Variants in SORCS1 observed in about 807,000 individuals in gnomAD.
SORCS1 encodes sortilin related VPS10 domain containing receptor 1.
A neutral mutation model predicts 146.1 loss-of-function variants in SORCS1; 60 were observed. That is an observed-to-expected ratio of 0.41 (90% CI 0.33 to 0.51). SORCS1 has a LOEUF of 0.51. Among genes scored for constraint, SORCS1 ranks in the 20% least tolerant of loss-of-function variants. SORCS1 has a pLI of 0.21. For missense variants in SORCS1, 1,352 were observed against 1,487.6 expected (o/e 0.91, Z 1.50); for synonymous variants, 637 against 584.0 (o/e 1.09, Z -1.31).
intron 2 of SORCS1, among the ~76,000 whole-genome samples, chr10:106,830,650 C>T (rs1362604849): frequency 6.7e-6 from 1 of 149,816 alleles, no homozygotes; most frequent in African/African-American, 2.5e-5. Flanking sequence ...AATACCAGCA[C>T]TTTAGGAAAC....
At chr10:106,793,049 A>C (rs1234890943) in intron 3 of SORCS1, among the ~76,000 whole-genome samples, 1 of 152,176 alleles carries the variant, frequency 6.6e-6, no homozygotes, top group African/African-American at 2.4e-5. Context: ...AAGACTTGGG[A>C]TTAAATAATG....
At chr10:106,817,792 A>G (rs1331116333) in intron 3 of SORCS1, among the ~76,000 whole-genome samples, 1 of 152,110 alleles carries the variant, frequency 6.6e-6, no homozygotes, top group Non-Finnish European at 1.5e-5. Flanking sequence ...GCATGTTTGT[A>G]TCTCTACTGC....
chr10:107,054,771 T>C (rs899572815), intron 1 of SORCS1, among the ~76,000 whole-genome samples: 6 of 152,154 alleles, frequency 3.9e-5, no homozygotes, highest in Non-Finnish European at 8.8e-5. Flanking sequence ...GTCTAAGTTG[T>C]TAAATTCAGC....
At chr10:106,735,868 T>C (rs1181002183) in intron 5 of SORCS1, among the ~76,000 whole-genome samples, 1 of 152,208 alleles carries the variant, frequency 6.6e-6, no homozygotes, top group Non-Finnish European at 1.5e-5. Flanking sequence ...GTCCTCGCTA[T>C]TGAGGGAGTA....
Position 106,727,144 on chromosome 10 carries a change from G to A in SORCS1, c.1024+2906C>T, listed in dbSNP as rs143397647. On this transcript the variant is annotated intron_variant, in intron 6 of 25. Transcript: ENST00000263054. ...TGTCAGGCCCCTACTGAATTACAAT[G>A]CAGATCTTAACAAGGTCCCTAGGTG... 1.1e-3 allele frequency among the ~76,000 whole-genome samples: 166 copies of A among 152,058 alleles called. 1 individual carries two copies. Among genetic ancestry groups the A allele is most frequent in the African/African-American group, 3.8e-3 (158 of 41,484 alleles).
chr10:107,093,144 G>A (rs1964320015), intron 1 of SORCS1, among the ~76,000 whole-genome samples: 1 of 152,148 alleles, frequency 6.6e-6, no homozygotes, highest in South Asian at 2.1e-4. Flanking sequence ...CCGCCTGACT[G>A]CAGAGCCATG....
At position 107,090,865 on chromosome 10, in the gene SORCS1, G is replaced by A. The variant is rs1964133290; in HGVS notation, c.558+73104C>T. Among the ~76,000 whole-genome samples the A allele has an allele frequency of 1.3e-5, 2 of 151,960 alleles. 1 individual carries two copies. Among genetic ancestry groups the A allele is most frequent in the South Asian group, 4.2e-4 (2 of 4,818 alleles). Reference sequence around the variant, plus strand: ...GATATAGAAAGAGACGCTGTCAGAAGCAACACTGGATCTAGAATTGATTGT... The same window carrying A: ...GATATAGAAAGAGACGCTGTCAGAAACAACACTGGATCTAGAATTGATTGT... On this transcript the variant is annotated intron_variant, in intron 1 of 25. Transcript: ENST00000263054.
intron 10 of SORCS1, among the ~76,000 whole-genome samples, chr10:106,679,941 T>G (rs1487489993): frequency 6.6e-6 from 1 of 152,138 alleles, no homozygotes; most frequent in Non-Finnish European, 1.5e-5. Context: ...AGCCTTCAAG[T>G]TAGTAAAGAC....
At chr10:106,934,117 A>AG in intron 2 of SORCS1, among the ~76,000 whole-genome samples, 1 of 151,674 alleles carries the variant, frequency 6.6e-6, no homozygotes, top group East Asian at 1.9e-4. Flanking sequence ...AAAAAAAAAA[A>AG]AGAAAGAAAA....
intron 8 of SORCS1, among the ~76,000 whole-genome samples, chr10:106,700,002 G>C (rs1854016079): frequency 6.6e-6 from 1 of 152,160 alleles, no homozygotes; most frequent in South Asian, 2.1e-4. Flanking sequence ...TCTACCCTCA[G>C]CCCTAAGAAA....
At chr10:106,948,426 GC>G (rs1459137962) in intron 2 of SORCS1, among the ~76,000 whole-genome samples, 1 of 151,866 alleles carries the variant, frequency 6.6e-6, no homozygotes, top group African/African-American at 2.4e-5. Context: ...TAATCCCAGT[GC>G]TTTAGGAGGC....
intron 21 of SORCS1, among the ~76,000 whole-genome samples, chr10:106,617,287 C>T (rs918686498): frequency 2.0e-5 from 3 of 151,994 alleles, no homozygotes; most frequent in South Asian, 2.1e-4. Flanking sequence ...CTTCCTTCCT[C>T]CCTCCTTCTG....
rs368301929 is a variant in SORCS1, at chr10:106,731,253, A to G, written c.960-1139T>C. Among the ~76,000 whole-genome samples, 360 of 137,708 alleles carry G rather than the reference A, an allele frequency of 2.6e-3. 5 individuals carry two copies. Among genetic ancestry groups the G allele is most frequent in the African/African-American group, 9.6e-3 (341 of 35,426 alleles). 90.3% of individuals were successfully genotyped at this position (137,708 alleles called of 152,430 possible). A position where few individuals can be genotyped will look rare whatever the true frequency, so the allele number is the denominator to read the frequency against. On this transcript the variant is annotated intron_variant, in intron 5 of 25. Transcript: ENST00000263054. ...GCTTGCAGTGAGCCGAGATCGCACCACTGCACTCCAGCCTGGGTGACGGAG... is the reference window on the plus strand; with the variant it reads ...GCTTGCAGTGAGCCGAGATCGCACCGCTGCACTCCAGCCTGGGTGACGGAG...
At chr10:106,780,200 T>C (rs1360784726) in intron 3 of SORCS1, among the ~76,000 whole-genome samples, 1 of 152,222 alleles carries the variant, frequency 6.6e-6, no homozygotes, top group Non-Finnish European at 1.5e-5. Context: ...TCTCACAAGA[T>C]TTTCTGCTCA....
intron 1 of SORCS1, among the ~76,000 whole-genome samples, chr10:106,968,408 T>C (rs904889560): frequency 1.3e-5 from 2 of 152,198 alleles, no homozygotes; most frequent in African/African-American, 4.8e-5. Flanking sequence ...TAATATTCTT[T>C]CTATGTGAGA....
intron 18 of SORCS1, among the ~76,000 whole-genome samples, chr10:106,647,389 T>TACACACGCACACAC (rs1849527480): frequency 6.8e-6 from 1 of 147,306 alleles, no homozygotes; most frequent in Non-Finnish European, 1.5e-5. Flanking sequence ...TTATAAATTT[T>TACACACGCACACAC]ACACACACAC....
intron 24 of SORCS1, among the ~76,000 whole-genome samples, chr10:106,592,764 CCCCA>C (rs1176991336): frequency 6.6e-5 from 10 of 151,880 alleles, no homozygotes; most frequent in Admixed American, 2.6e-4. Flanking sequence ...TAATACTCCT[CCCCA>C]CTGTTTCTCT....
chr10:107,161,301 G>C (rs901709252), intron 1 of SORCS1, among the ~76,000 whole-genome samples: 33 of 152,134 alleles, frequency 2.2e-4, no homozygotes, highest in African/African-American at 1.9e-4. Context: ...AGGTGAGAAG[G>C]GTTCACAGGA....
intron 4 of SORCS1, among the ~76,000 whole-genome samples, chr10:106,763,570 C>G (rs1668541272): frequency 6.6e-6 from 1 of 152,196 alleles, no homozygotes; most frequent in African/African-American, 2.4e-5. Context: ...CACACATGCC[C>G]TGCTACGCCT....
Sources: allele counts gnomAD v4.1 joint callset (sites outside exome capture counted in the v4.1 genomes callset), GRCh38; gene constraint gnomAD v4.1.1; transcripts MANE v1.5; gene names NCBI Gene and HGNC (gene_info 2026-07-23, HGNC 2026-07-21).